The following SUMF1 variants were observed in gnomAD, a reference collection of about 807,000 sequenced individuals.
The protein encoded by SUMF1 is sulfatase modifying factor 1.
In SUMF1, 48 loss-of-function variants were observed where a neutral mutation model predicts 47.6. The observed-to-expected ratio is 1.01, with a 90% CI of 0.80 to 1.28. The LOEUF (loss-of-function observed/expected upper bound fraction) is 1.28, where lower values mean the gene tolerates loss of function less well. Ranked by LOEUF, SUMF1 falls within the 50% of genes most tolerant of loss-of-function variation. The pLI is 0.00. For missense variants in SUMF1, 571 were observed against 485.4 expected (o/e 1.18, Z -1.66); for synonymous variants, 230 against 192.1 (o/e 1.20, Z -1.63).
intron 8 of SUMF1, among the ~76,000 whole-genome samples, chr3:4,241,404 G>A (rs1303693797): frequency 2.0e-5 from 3 of 152,116 alleles, no homozygotes; most frequent in Non-Finnish European, 4.4e-5. Context: ...GTCCTGGATT[G>A]AAGTCTGAAG....
intron 8 of SUMF1, among the ~76,000 whole-genome samples, chr3:4,218,667 C>T (rs932774362): frequency 6.6e-6 from 1 of 152,112 alleles, no homozygotes; most frequent in South Asian, 2.1e-4. Context: ...TGTCAGACTT[C>T]GTGTGAGAGC....
intron 1 of SUMF1, among the ~76,000 whole-genome samples, chr3:4,459,961 T>C (rs968933765): frequency 6.6e-6 from 1 of 152,202 alleles, no homozygotes; most frequent in Non-Finnish European, 1.5e-5. Flanking sequence ...TGTCCATCAA[T>C]AGCAGGCTCA....
At chr3:4,333,688 C>T (rs775713337) in intron 8 of SUMF1, among the ~76,000 whole-genome samples, 1 of 152,064 alleles carries the variant, frequency 6.6e-6, no homozygotes, top group Non-Finnish European at 1.5e-5. Flanking sequence ...ATTTTGTGAT[C>T]GGCCCATATC....
chr3:4,278,642 T>C (rs1697467412), intron 8 of SUMF1, among the ~76,000 whole-genome samples: 1 of 152,130 alleles, frequency 6.6e-6, no homozygotes, highest in Non-Finnish European at 1.5e-5. Context: ...ACATACGTTA[T>C]CTCCCTCAAG....
chr3:4,465,720 T>TAC (rs2079927409), intron 1 of SUMF1, among the ~76,000 whole-genome samples: 2 of 152,204 alleles, frequency 1.3e-5, no homozygotes, highest in Non-Finnish European at 2.9e-5. Context: ...TCCTACACTC[T>TAC]ACACCTGAGA....
chr3:4,414,693 G>A (rs974064410), intron 6 of SUMF1: 2 of 152,162 alleles, frequency 1.3e-5, no homozygotes, highest in Non-Finnish European at 2.9e-5. Flanking sequence ...CACATATGCT[G>A]AACTTTCAGT....
chr3:4,138,572 C>T (rs866959090), intron 8 of SUMF1, among the ~76,000 whole-genome samples: 1 of 152,096 alleles, frequency 6.6e-6, no homozygotes, highest in African/African-American at 2.4e-5. Flanking sequence ...AACCAAAGCT[C>T]AGTGAGCTTC....
chr3:4,437,606 T>A (rs1312108476), intron 3 of SUMF1, among the ~76,000 whole-genome samples: 1 of 152,162 alleles, frequency 6.6e-6, no homozygotes, highest in Non-Finnish European at 1.5e-5. Context: ...TATATATTAT[T>A]TACAATGATA....
intron 8 of SUMF1, among the ~76,000 whole-genome samples, chr3:4,302,931 G>A (rs531115633): frequency 6.6e-6 from 1 of 152,054 alleles, no homozygotes; most frequent in Non-Finnish European, 1.5e-5. Flanking sequence ...TGAGGCTATC[G>A]CCTTGGCACA....
chr3:4,319,654 G>A (rs1253345814), intron 8 of SUMF1, among the ~76,000 whole-genome samples: 1 of 152,174 alleles, frequency 6.6e-6, no homozygotes, highest in Non-Finnish European at 1.5e-5. Context: ...AGTTGGAACA[G>A]TTTCACTTCT....
At chr3:4,466,798 A>C (rs2079959020) in intron 1 of SUMF1, among the ~76,000 whole-genome samples, 178 bp downstream of exon 1, 1 of 152,220 alleles carries the variant, frequency 6.6e-6, no homozygotes, top group African/African-American at 2.4e-5. Context: ...TGGTCAATTA[A>C]ATGGAGTCTT....
intron 8 of SUMF1, among the ~76,000 whole-genome samples, chr3:4,168,938 G>A (rs533080904): frequency 1.3e-5 from 2 of 152,214 alleles, no homozygotes; most frequent in East Asian, 1.9e-4. Context: ...AATAACCATG[G>A]TAGATATTGT....
At chr3:4,465,152 A>C (rs2079910068) in intron 1 of SUMF1, among the ~76,000 whole-genome samples, 1 of 152,220 alleles carries the variant, frequency 6.6e-6, no homozygotes, top group South Asian at 2.1e-4. Context: ...TAAAAAATAG[A>C]TAAACAGATG....
intron 8 of SUMF1, among the ~76,000 whole-genome samples, chr3:4,206,737 C>T (rs1475656454): frequency 6.6e-6 from 1 of 152,044 alleles, no homozygotes; most frequent in African/African-American, 2.4e-5. Flanking sequence ...AGTTTGGTGA[C>T]TGAACAACTA....
chr3:4,037,300 C>A (rs1209078595), intron 9 of SUMF1, among the ~76,000 whole-genome samples: 1 of 152,062 alleles, frequency 6.6e-6, no homozygotes, highest in Non-Finnish European at 1.5e-5. Flanking sequence ...GACATCACCG[C>A]CTCCTTCCTT....
Position 4,161,948 on chromosome 3 carries a change from C to T in SUMF1, c.1015-93203G>A, listed in dbSNP as rs146706409. On this transcript the variant is annotated intron_variant and NMD_transcript_variant, in intron 8 of 12. Coordinates refer to the SUMF1 transcript ENST00000448413. ...AGCCAGCACATCTCAGAGTTTCACC[C>T]AAGGCCCACAGCATGTATTACCGGG... Among the ~76,000 whole-genome samples, 863 of 152,144 alleles carry T rather than the reference C, an allele frequency of 5.7e-3. 5 individuals are homozygous for T. The highest frequency in any genetic ancestry group is 0.031 in the Middle Eastern group (9 of 294).
chr3:4,077,076 T>C (rs1026142960), intron 8 of SUMF1, among the ~76,000 whole-genome samples: 1 of 152,060 alleles, frequency 6.6e-6, no homozygotes, highest in Non-Finnish European at 1.5e-5. Context: ...CACTGGTCAT[T>C]AGAGAAGTGC....
intron 8 of SUMF1, among the ~76,000 whole-genome samples, chr3:4,072,727 G>C (rs190708237): frequency 1.3e-5 from 2 of 152,174 alleles, no homozygotes; most frequent in East Asian, 3.9e-4. Context: ...CAGAACAAAG[G>C]ATATCAGTGA....
At chr3:4,063,955 G>A (rs905686436) in intron 9 of SUMF1, among the ~76,000 whole-genome samples, 39 of 152,074 alleles carry the variant, frequency 2.6e-4, no homozygotes, top group Non-Finnish European at 5.9e-5. Context: ...AAAGGGCTTG[G>A]CCAGTCACTG....
Sources: allele counts gnomAD v4.1 joint callset (sites outside exome capture counted in the v4.1 genomes callset), GRCh38; gene constraint gnomAD v4.1.1; transcripts MANE v1.5; gene names NCBI Gene and HGNC (gene_info 2026-07-23, HGNC 2026-07-21).